The following DBT variants were observed in gnomAD, a reference collection of about 807,000 sequenced individuals.
DBT encodes dihydrolipoamide branched chain transacylase E2.
DBT carries 40 observed loss-of-function variants against 51.3 expected under a neutral mutation model. The observed-to-expected ratio is 0.78, with a 90% CI of 0.61 to 1.02. The LOEUF (loss-of-function observed/expected upper bound fraction) is 1.02, where lower values mean the gene tolerates loss of function less well. Among genes scored for constraint, DBT ranks in the 50% least tolerant of loss-of-function variants. The pLI, the probability that DBT is intolerant of heterozygous loss-of-function variation, is 0.00. For missense variants in DBT, 510 were observed against 580.2 expected (o/e 0.88, Z 1.24); for synonymous variants, 181 against 190.4 (o/e 0.95, Z 0.41).
At position 100,209,078 on chromosome 1, in the gene DBT, TTTTTC is replaced by T. The variant is rs1287657697; in HGVS notation, c.1017+1611_1017+1615del. Among the ~76,000 whole-genome samples the T allele has an allele frequency of 8.5e-5, 12 of 141,422 alleles. No individual in the cohort carries two copies. The South Asian group carries it at 9.2e-4, about 11-fold the overall frequency. 92.8% of individuals were successfully genotyped at this position (141,422 alleles called of 152,430 possible). A position where few individuals can be genotyped will look rare whatever the true frequency, so the allele number is the denominator to read the frequency against. On this transcript the variant is annotated intron_variant, in intron 8 of 10. Coordinates refer to ENST00000370132, the MANE Select transcript of DBT (RefSeq NM_001918.5). The stretch of plus-strand genomic sequence containing the variant: ...TTGAGGGTAAACATCTTTGTTTTCT[TTTTTC>T]TTTTCTTTTCTTTTCTTTTTTTTTT...
At chr1:100,201,737 T>G (rs1019359568) in intron 10 of DBT, among the ~76,000 whole-genome samples, 1 of 152,186 alleles carries the variant, frequency 6.6e-6, no homozygotes, top group Non-Finnish European at 1.5e-5. Context: ...CAGAAGAGTG[T>G]GGGGGCCAAT....
chr1:100,236,093 CT>C (rs1225134794), intron 2 of DBT, among the ~76,000 whole-genome samples: 132 of 145,514 alleles, frequency 9.1e-4, no homozygotes, highest in Non-Finnish European at 9.4e-4. Context: ...CCCATCCCTC[CT>C]TTTTTTTTTT....
chr1:100,232,092 C>A (rs139279205), intron 3 of DBT, among the ~76,000 whole-genome samples: 1 of 152,202 alleles, frequency 6.6e-6, no homozygotes, highest in African/African-American at 2.4e-5. Flanking sequence ...AGATATTCAA[C>A]AGTTCTTTAT....
intron 1 of DBT, among the ~76,000 whole-genome samples, chr1:100,241,369 TGTGTG>T (rs1664198581): frequency 5.1e-4 from 3 of 5,844 alleles, no homozygotes; most frequent in South Asian, 0.032. Flanking sequence ...AAAGGTATTG[TGTGTG>T]TGTGTGTGTG....
intron 5 of DBT, among the ~76,000 whole-genome samples, chr1:100,218,045 C>T (rs1287527454): frequency 2.0e-5 from 3 of 152,220 alleles, no homozygotes; most frequent in African/African-American, 7.2e-5. Context: ...GCCACCCTGC[C>T]TGGCATTCCA....
chr1:100,234,559 T>C (rs1467459394), intron 3 of DBT, among the ~76,000 whole-genome samples: 1 of 152,204 alleles, frequency 6.6e-6, no homozygotes, highest in Non-Finnish European at 1.5e-5. Flanking sequence ...ATGCATTTCT[T>C]ATACATGACA....
chr1:100,205,305 G>C (rs950073235), intron 10 of DBT, among the ~76,000 whole-genome samples: 4 of 152,080 alleles, frequency 2.6e-5, no homozygotes, highest in Admixed American at 2.0e-4. Context: ...GATATGAACA[G>C]ACACTTTTCA....
At chr1:100,247,017 G>A (rs2100857025) in intron 1 of DBT, among the ~76,000 whole-genome samples, 1 of 152,300 alleles carries the variant, frequency 6.6e-6, no homozygotes, top group South Asian at 2.1e-4. Context: ...AGCACAGTGT[G>A]TGTGCAAATA....
chr1:100,224,497 T>G (rs376009261), intron 4 of DBT, among the ~76,000 whole-genome samples: 1 of 152,076 alleles, frequency 6.6e-6, no homozygotes, highest in African/African-American at 2.4e-5. Flanking sequence ...AGTCCAAATA[T>G]AAAAGCAAAA....
chr1:100,211,569 A>G (rs1351742103), intron 7 of DBT, among the ~76,000 whole-genome samples: 1 of 152,216 alleles, frequency 6.6e-6, no homozygotes, highest in African/African-American at 2.4e-5. Flanking sequence ...AGTTCTTTAC[A>G]TGCATTGTGT....
chr1:100,232,852 T>C lies in DBT; in HGVS notation c.252-1938A>G, dbSNP rs1042887636. 2.6e-5 allele frequency among the ~76,000 whole-genome samples: 4 copies of C among 152,348 alleles called. No individual in the cohort carries two copies. In the East Asian group the frequency reaches 7.7e-4, roughly 29 times the overall value. On this transcript the variant is annotated intron_variant, in intron 3 of 10. Transcript: ENST00000370132. Reference sequence around the variant, plus strand: ...GGAAGGAAGAGACAATAGAGCTATATTGGAGCAGAGTCTTTGTATTCTATT... The same window carrying C: ...GGAAGGAAGAGACAATAGAGCTATACTGGAGCAGAGTCTTTGTATTCTATT...
chr1:100,227,146 T>C (rs1663265833), intron 4 of DBT, among the ~76,000 whole-genome samples: 1 of 152,214 alleles, frequency 6.6e-6, no homozygotes, highest in South Asian at 2.1e-4. Flanking sequence ...TATTTAAACA[T>C]ATATAAACAT....
At chr1:100,218,589 C>T in intron 5 of DBT, 37 bp downstream of exon 5, 1 of 1,610,880 alleles carries the variant, frequency 6.2e-7, no homozygotes, top group Non-Finnish European at 8.5e-7. Flanking sequence ...TGTACACTTC[C>T]TATACAATCT....
At chr1:100,249,133 G>A (rs1306279615) in intron 1 of DBT, 1 of 983,578 alleles carries the variant, frequency 1.0e-6, no homozygotes, top group Non-Finnish European at 1.2e-6. Flanking sequence ...AAGCAAATAG[G>A]GGTAACAAGT....
At chr1:100,206,395 TG>T in intron 9 of DBT, 49 bp downstream of exon 9, 1 of 1,561,528 alleles carries the variant, frequency 6.4e-7, no homozygotes, top group Non-Finnish European at 8.8e-7. Context: ...ATTAAGCATA[TG>T]ATCAGAAACC....
In DBT at chr1:100,192,466, T is replaced by G. The variant is rs757800211; in HGVS notation, c.*3789A>C. ...TTTGAAGACTTCATGGAAACATTTG[T>G]ATTCTTGGTACTGTAGGGCAGTGCT... is the stretch of plus-strand genomic sequence containing the variant. On this transcript the variant is annotated 3_prime_UTR_variant, in exon 11 of 11. Coordinates refer to ENST00000370132, the MANE Select transcript of DBT (RefSeq NM_001918.5). The G allele has an allele frequency of 7.9e-5, 12 of 152,256 alleles. No homozygotes were observed. The highest frequency in any genetic ancestry group is 1.6e-4 in the Non-Finnish European group (11 of 68,048). The allele number at this position is 152,256 out of a possible 1,614,324, so 9.4% of individuals were successfully genotyped here. A position where few individuals can be genotyped will look rare whatever the true frequency, so the allele number is the denominator to read the frequency against.
At position 100,230,822 on chromosome 1, in the gene DBT, T is replaced by C. The variant is rs2100827445; in HGVS notation, c.344A>G (p.Asp115Gly). ...KASVTITSRY[D>G]GVIKKLYYNL... is the part of the protein sequence containing the mutation. ...ATAATAGAGTTTTTTAATGACTCCA[T>C]CATAACGACTAGTGATGGTAACAGA... Residue 115 changes from aspartate (D) to glycine (G), a missense_variant, in exon 4 of 11, where the codon GAT becomes GGT. Coordinates refer to ENST00000370132, the MANE Select transcript of DBT (RefSeq NM_001918.5). 6.2e-7 allele frequency: 1 copy of C among 1,607,134 alleles called. No individual in the cohort carries two copies. Among genetic ancestry groups the C allele is most frequent in the African/African-American group, 1.3e-5 (1 of 74,896 alleles).
chr1:100,195,973 T>C lies in DBT; in HGVS notation c.*282A>G. The C allele has an allele frequency of 2.3e-6, 1 of 432,158 alleles. No individual in the cohort carries two copies. Among genetic ancestry groups the C allele is most frequent in the South Asian group, 2.3e-5 (1 of 42,796 alleles). The allele number at this position is 432,158 out of a possible 1,614,324, so 26.8% of individuals were successfully genotyped here. ...AGCCACCATGCCCGGCCTAATTTTG[T>C]TAATCTTGCCAGTTTCAAGCCATTG... On this transcript the variant is annotated 3_prime_UTR_variant, in exon 11 of 11. Transcript: ENST00000370132.
chr1:100,228,486 T>TGC (rs1557955413), intron 4 of DBT, among the ~76,000 whole-genome samples: 7 of 151,610 alleles, frequency 4.6e-5, no homozygotes, highest in South Asian at 2.1e-4. Context: ...AGGCCAGGCA[T>TGC]GGTGGCTCAT....
Sources: gnomAD v4.1 joint callset for allele counts (sites outside exome capture counted in the v4.1 genomes callset) on GRCh38, gnomAD v4.1.1 for gene constraint, MANE v1.5 for transcripts, NCBI Gene and HGNC (gene_info 2026-07-23, HGNC 2026-07-21) for gene names.